Variants in SRGAP1 observed in about 807,000 individuals in gnomAD.
SRGAP1 encodes the protein SLIT-ROBO Rho GTPase-activating protein 1.
A neutral mutation model predicts 121.9 loss-of-function variants in SRGAP1; 43 were observed. The ratio of observed to expected loss-of-function variants is 0.35; its 90% confidence interval spans 0.28 to 0.46. The LOEUF is 0.46. Among genes scored for constraint, SRGAP1 ranks in the 20% least tolerant of loss-of-function variants. SRGAP1 has a pLI of 1.00. For synonymous variants in SRGAP1, 447 were observed against 485.4 expected (o/e 0.92, Z 1.04); for missense variants, 1,102 against 1,350.9 (o/e 0.82, Z 2.89).
intron 17 of SRGAP1, among the ~76,000 whole-genome samples, chr12:64,113,557 CCA>C (rs916760179): frequency 2.6e-4 from 39 of 152,088 alleles, no homozygotes; most frequent in African/African-American, 9.4e-4. Flanking sequence ...GATGGATATC[CCA>C]GTTACCCAGA....
chr12:64,018,236 G>A (rs866170123), intron 4 of SRGAP1, among the ~76,000 whole-genome samples: 72 of 152,040 alleles, frequency 4.7e-4, no homozygotes, highest in African/African-American at 1.6e-3. Flanking sequence ...TTACAGGCAT[G>A]CGCCAGCATG....
At chr12:64,014,882 T>G (rs1330401876) in intron 3 of SRGAP1, among the ~76,000 whole-genome samples, 1 of 152,176 alleles carries the variant, frequency 6.6e-6, no homozygotes, top group Non-Finnish European at 1.5e-5. Context: ...AGTGCTGTGA[T>G]CTCGGCTCAC....
chr12:63,972,107 ACTT>A (rs761179134), intron 1 of SRGAP1, among the ~76,000 whole-genome samples: 31 of 152,204 alleles, frequency 2.0e-4, no homozygotes, highest in Non-Finnish European at 2.1e-4. Flanking sequence ...TAATCCCAGC[ACTT>A]TGGGAGGCCG....
At chr12:63,992,660 TAC>T (rs59798383) in intron 3 of SRGAP1, among the ~76,000 whole-genome samples, 5,739 of 138,034 alleles carry the variant, frequency 0.042, 119 homozygotes, top group East Asian at 0.088. Context: ...GCACAGTAAA[TAC>T]ACACACACAC....
At position 64,058,770 on chromosome 12, in the gene SRGAP1, A is replaced by G. The variant is rs537433701; in HGVS notation, c.802-4147A>G. On this transcript the variant is annotated intron_variant, in intron 6 of 21. Transcript: ENST00000355086. ...TTACTCTAAACCTTTTTAACCAAGT[A>G]TCTTGAATCTTAACAGATCCAGTGT... 9.2e-5 allele frequency among the ~76,000 whole-genome samples: 14 copies of G among 151,904 alleles called. No homozygotes were observed. In the South Asian group the frequency reaches 2.7e-3, roughly 29 times the overall value.
intron 3 of SRGAP1, among the ~76,000 whole-genome samples, chr12:64,004,042 A>C (rs1593028766): frequency 6.6e-6 from 1 of 152,254 alleles, no homozygotes; most frequent in African/African-American, 2.4e-5. Flanking sequence ...AGCACCTCAC[A>C]GGTTGTGACA....
At chr12:64,002,213 C>T (rs894285523) in intron 3 of SRGAP1, among the ~76,000 whole-genome samples, 7 of 152,122 alleles carry the variant, frequency 4.6e-5, no homozygotes, top group East Asian at 1.9e-4. Context: ...TCATTTTTCT[C>T]GCTACTTCCT....
chr12:63,967,040 A>G (rs1233546892), intron 1 of SRGAP1, among the ~76,000 whole-genome samples: 1 of 152,168 alleles, frequency 6.6e-6, no homozygotes, highest in Non-Finnish European at 1.5e-5. Context: ...AAGTGCATTT[A>G]CTCATACAGT....
chr12:64,019,327 C>T (rs184882305), intron 4 of SRGAP1, among the ~76,000 whole-genome samples: 1 of 152,086 alleles, frequency 6.6e-6, no homozygotes, highest in Admixed American at 6.6e-5. Context: ...GCCTGAAAGC[C>T]TGAAAGAGTC....
At chr12:63,902,913 T>C (rs116867247) in intron 1 of SRGAP1, among the ~76,000 whole-genome samples, 1,877 of 152,358 alleles carry the variant, frequency 0.012, 20 homozygotes, top group Middle Eastern at 0.048. Context: ...TGTTTTAGTC[T>C]TGACCTCCCA....
chr12:63,882,714 T>C (rs1476202154), intron 1 of SRGAP1, among the ~76,000 whole-genome samples: 1 of 152,264 alleles, frequency 6.6e-6, no homozygotes, highest in African/African-American at 2.4e-5. Flanking sequence ...AGGATATTTA[T>C]TGAATTTATT....
At chr12:64,011,781 A>G (rs1361988826) in intron 3 of SRGAP1, among the ~76,000 whole-genome samples, 2 of 152,152 alleles carry the variant, frequency 1.3e-5, no homozygotes, top group African/African-American at 4.8e-5. Flanking sequence ...AGGAAAATAT[A>G]CTTAGACCTA....
chr12:64,072,149 G>T (rs796639438), intron 8 of SRGAP1, among the ~76,000 whole-genome samples: 28 of 18,400 alleles, frequency 1.5e-3, no homozygotes, highest in Middle Eastern at 0.021. Context: ...TGTGTGTGTG[G>T]GCGGCGGGGG....
intron 1 of SRGAP1, among the ~76,000 whole-genome samples, chr12:63,907,596 G>C (rs1010212627): frequency 1.3e-5 from 2 of 151,974 alleles, no homozygotes; most frequent in African/African-American, 4.8e-5. Context: ...CTGTTGAGTT[G>C]TAAGAGTTCT....
intron 18 of SRGAP1, among the ~76,000 whole-genome samples, chr12:64,124,583 G>C (rs2036657895): frequency 6.6e-6 from 1 of 152,280 alleles, no homozygotes; most frequent in South Asian, 2.1e-4. Flanking sequence ...CAAGGCTAAG[G>C]ATGAGGTATT....
At chr12:63,919,310 G>A (rs1022071993) in intron 1 of SRGAP1, among the ~76,000 whole-genome samples, 1 of 151,872 alleles carries the variant, frequency 6.6e-6, no homozygotes, top group Admixed American at 6.6e-5. Flanking sequence ...CACCTGCCTT[G>A]GCCTCCCAAG....
Position 64,141,446 on chromosome 12 carries a change from G to T in SRGAP1, c.2881-849G>T, listed in dbSNP as rs1368281410. On this transcript the variant is annotated intron_variant, in intron 21 of 21. Transcript: ENST00000355086. ...AATACAAAAATTAGCCGGGCGTGGTGGTGGGCGCCTGTAATCCCAGCTACT... is the reference window on the plus strand; with the variant it reads ...AATACAAAAATTAGCCGGGCGTGGTTGTGGGCGCCTGTAATCCCAGCTACT... 3.9e-5 allele frequency among the ~76,000 whole-genome samples: 6 copies of T among 151,986 alleles called. No homozygotes were observed. In the East Asian group the frequency reaches 9.7e-4, roughly 25 times the overall value.
In SRGAP1 at chr12:63,868,057, TTTTTTTTTTTTTTTTTTTTTTG is replaced by T. The variant is rs1592897580; in HGVS notation, c.67+23188_67+23209del. Among the ~76,000 whole-genome samples, 3 of 55,952 alleles carry T rather than the reference TTTTTTTTTTTTTTTTTTTTTTG, an allele frequency of 5.4e-5. No homozygotes were observed. The East Asian group carries it at 2.7e-3, about 50-fold the overall frequency. The allele number at this position is 55,952 out of a possible 152,430, so 36.7% of individuals were successfully genotyped here. On this transcript the variant is annotated intron_variant, in intron 1 of 21. Coordinates refer to ENST00000355086, the MANE Select transcript of SRGAP1 (RefSeq NM_020762.4). ...TTCCATATATATATATATATATATATTTTTTTTTTTTTTTTTTTTTTGTTTTTTTTTTTTTGTTTTTTGAGAT... is the reference window on the plus strand; with the variant it reads ...TTCCATATATATATATATATATATATTTTTTTTTTTTTTGTTTTTTGAGAT...
At chr12:64,012,576 T>TTA (rs869306490) in intron 3 of SRGAP1, among the ~76,000 whole-genome samples, 1 of 144,962 alleles carries the variant, frequency 6.9e-6, no homozygotes, top group Non-Finnish European at 1.5e-5. Context: ...TTTTTTTTTT[T>TTA]GAGAGTGGGT....
Sources: gnomAD v4.1 joint callset for allele counts (sites outside exome capture counted in the v4.1 genomes callset) on GRCh38, gnomAD v4.1.1 for gene constraint, MANE v1.5 for transcripts, NCBI Gene and HGNC (gene_info 2026-07-23, HGNC 2026-07-21) for gene names.